CNTNAP5: variants seen among roughly 807,000 people sequenced by gnomAD.
The protein encoded by CNTNAP5 is contactin-associated protein-like 5.
A neutral mutation model predicts 150.2 loss-of-function variants in CNTNAP5; 72 were observed. That is an observed-to-expected ratio of 0.48 (90% confidence interval 0.40 to 0.58). The LOEUF is 0.58. Ranked by LOEUF, CNTNAP5 falls within the 20% of genes least tolerant of loss-of-function variation. The probability of loss-of-function intolerance (pLI) is 0.00; values close to 1 mark genes in which losing one functional copy is unlikely to be tolerated. For missense variants in CNTNAP5, 1,636 were observed against 1,626.2 expected, an observed-to-expected ratio of 1.01 and a Z score of -0.10; for synonymous variants, 672 against 619.8, an observed-to-expected ratio of 1.08 and a Z score of -1.25.
chr2:124,610,290 T>C (rs1209719402), intron 12 of CNTNAP5, among the ~76,000 whole-genome samples: 1 of 152,154 alleles, frequency 6.6e-6, no homozygotes, highest in Non-Finnish European at 1.5e-5. Context: ...CTCAGGAAGC[T>C]GGAAAGCTTG....
intron 16 of CNTNAP5, among the ~76,000 whole-genome samples, chr2:124,767,985 G>T (rs554665614): frequency 3.9e-5 from 6 of 152,274 alleles, no homozygotes; most frequent in Non-Finnish European, 8.8e-5. Context: ...GAACCAATGT[G>T]TGTGACTGGG....
At chr2:124,238,853 A>C (rs1421604454) in intron 2 of CNTNAP5, among the ~76,000 whole-genome samples, 1 of 152,174 alleles carries the variant, frequency 6.6e-6, no homozygotes, top group Non-Finnish European at 1.5e-5. Flanking sequence ...AAGCACATTT[A>C]TTGTTTGGTG....
chr2:124,299,161 C>T (rs527242713), intron 3 of CNTNAP5, among the ~76,000 whole-genome samples: 8 of 152,282 alleles, frequency 5.3e-5, no homozygotes, highest in African/African-American at 9.6e-5. Context: ...CCAGGTTCCA[C>T]GCAGGAAGAG....
At chr2:124,559,088 C>T (rs1468297243) in intron 10 of CNTNAP5, among the ~76,000 whole-genome samples, 1 of 152,196 alleles carries the variant, frequency 6.6e-6, no homozygotes, top group Non-Finnish European at 1.5e-5. Context: ...CCTTGAGGCC[C>T]AAACCATGTA....
intron 1 of CNTNAP5, among the ~76,000 whole-genome samples, chr2:124,201,804 G>C (rs766389337): frequency 4.6e-5 from 7 of 152,106 alleles, no homozygotes; most frequent in Non-Finnish European, 1.0e-4. Context: ...ATATAAATTT[G>C]TTCTCAAAAG....
intron 3 of CNTNAP5, among the ~76,000 whole-genome samples, chr2:124,361,916 C>G (rs922116159): frequency 1.3e-3 from 200 of 152,136 alleles, no homozygotes; most frequent in African/African-American, 3.6e-3. Context: ...GCCTCGCTGC[C>G]GCCTTGCAGT....
At chr2:124,462,231 A>T (rs1693272717) in intron 6 of CNTNAP5, among the ~76,000 whole-genome samples, 1 of 152,028 alleles carries the variant, frequency 6.6e-6, no homozygotes, top group African/African-American at 2.4e-5. Flanking sequence ...CTCTGAGGAG[A>T]GAAAATCAAT....
chr2:124,327,825 T>C (rs548501758), intron 3 of CNTNAP5, among the ~76,000 whole-genome samples: 1 of 152,282 alleles, frequency 6.6e-6, no homozygotes, highest in Non-Finnish European at 1.5e-5. Context: ...AAGCAAGCTG[T>C]ACCCCAACCA....
chr2:124,730,497 A>G (rs898896856), intron 13 of CNTNAP5, among the ~76,000 whole-genome samples: 1 of 152,014 alleles, frequency 6.6e-6, no homozygotes, highest in Non-Finnish European at 1.5e-5. Context: ...TCATAAATTC[A>G]ATTCTTCTTC....
At chr2:124,358,967 T>C (rs1417369697) in intron 3 of CNTNAP5, among the ~76,000 whole-genome samples, 1 of 150,274 alleles carries the variant, frequency 6.7e-6, no homozygotes, top group Admixed American at 6.6e-5. Context: ...TATTGATTAT[T>C]GCCACAATTT....
chr2:124,030,981 C>T (rs1255904552), intron 1 of CNTNAP5, among the ~76,000 whole-genome samples: 1 of 151,892 alleles, frequency 6.6e-6, no homozygotes. Flanking sequence ...TGCTAAACCT[C>T]ATCTTCACCA....
At chr2:124,385,049 G>T (rs776101039) in intron 3 of CNTNAP5, among the ~76,000 whole-genome samples, 2 of 152,172 alleles carry the variant, frequency 1.3e-5, no homozygotes, top group Non-Finnish European at 2.9e-5. Flanking sequence ...AGGTCACTTT[G>T]CAAATGGCAG....
chr2:124,319,301 G>C (rs1460653397), intron 3 of CNTNAP5, among the ~76,000 whole-genome samples: 2 of 151,766 alleles, frequency 1.3e-5, no homozygotes, highest in African/African-American at 4.8e-5. Context: ...GATATGATAA[G>C]TGGCAAAAAA....
chr2:124,464,238 G>T (rs1054992755), intron 6 of CNTNAP5, among the ~76,000 whole-genome samples: 4 of 152,068 alleles, frequency 2.6e-5, no homozygotes, highest in African/African-American at 9.7e-5. Context: ...AAGCAAGGGA[G>T]CGCAGGCACT....
chr2:124,633,406 C>T (rs553968907), intron 12 of CNTNAP5, among the ~76,000 whole-genome samples: 1 of 152,220 alleles, frequency 6.6e-6, no homozygotes, highest in African/African-American at 2.4e-5. Context: ...GCAGGGCAGT[C>T]ATTACCTTAA....
At chr2:124,688,882 C>T (rs1679246165) in intron 13 of CNTNAP5, among the ~76,000 whole-genome samples, 1 of 151,934 alleles carries the variant, frequency 6.6e-6, no homozygotes, top group Non-Finnish European at 1.5e-5. Flanking sequence ...GAATAATTCA[C>T]AGGTAAAAGT....
intron 6 of CNTNAP5, among the ~76,000 whole-genome samples, chr2:124,470,350 T>A (rs1037687090): frequency 9.9e-5 from 15 of 152,218 alleles, no homozygotes; most frequent in African/African-American, 3.6e-4. Flanking sequence ...CATATGCTTG[T>A]TAGCTGCATG....
intron 11 of CNTNAP5, among the ~76,000 whole-genome samples, chr2:124,608,391 G>A (rs1677301127): frequency 6.6e-6 from 1 of 152,040 alleles, no homozygotes; most frequent in Non-Finnish European, 1.5e-5. Context: ...TCCCAAACTT[G>A]CAGATTTATC....
intron 3 of CNTNAP5, among the ~76,000 whole-genome samples, chr2:124,409,518 C>A: frequency 2.6e-5 from 1 of 38,114 alleles, no homozygotes; most frequent in Non-Finnish European, 5.5e-5. Context: ...ATCAGACTAA[C>A]AGCGGATCTC....
Sources: allele counts gnomAD v4.1 joint callset (sites outside exome capture counted in the v4.1 genomes callset), GRCh38; gene constraint gnomAD v4.1.1; transcripts MANE v1.5; gene names NCBI Gene and HGNC (gene_info 2026-07-23, HGNC 2026-07-21).